Variants in ZNF536 observed in about 807,000 individuals in gnomAD.
ZNF536 encodes the protein zinc finger protein 536.
ZNF536 carries 13 observed loss-of-function variants against 84.5 expected under a neutral mutation model. The ratio of observed to expected loss-of-function variants is 0.15; its 90% CI spans 0.10 to 0.24. The LOEUF (loss-of-function observed/expected upper bound fraction) is 0.24. ZNF536 is among the 10% of genes least tolerant of loss of function. The pLI is 1.00. For missense variants in ZNF536, 1,536 were observed against 1,747.5 expected, an observed-to-expected ratio of 0.88 and a Z score of 2.16; for synonymous variants, 811 against 742.5, an observed-to-expected ratio of 1.09 and a Z score of -1.50.
chr19:30,642,475 C>T (rs1313591151), intron 1 of ZNF536, among the ~76,000 whole-genome samples: 1 of 152,078 alleles, frequency 6.6e-6, no homozygotes, highest in Non-Finnish European at 1.5e-5. Context: ...CTGCCAGGAC[C>T]CGCAAGTTGA....
chr19:30,472,662 T>C (rs1180387137), intron 2 of ZNF536, among the ~76,000 whole-genome samples: 2 of 152,172 alleles, frequency 1.3e-5, no homozygotes, highest in East Asian at 3.9e-4. Context: ...AATGGACAAT[T>C]GCAGTCCACA....
At position 30,303,524 on chromosome 19, in the gene ZNF536, A is replaced by T. The variant is rs1301417812; in HGVS notation, c.-120+19383A>T. On this transcript the variant is annotated intron_variant, in intron 2 of 5. Transcript: ENST00000585628. ...TTTGACACTTTTTTTTTTTTTTGAG[A>T]TGGAGTCTTGCTCTGTTGCCCAGGC... 2.7e-5 allele frequency among the ~76,000 whole-genome samples: 4 copies of T among 147,334 alleles called. No individual in the cohort carries two copies. The East Asian group carries it at 7.9e-4, about 29-fold the overall frequency.
chr19:30,445,631 G>A lies in ZNF536; in HGVS notation c.2069G>A (p.Gly690Asp), dbSNP rs1283110584. The change falls in exon 2 of 5, where the codon GGC becomes GAC. Residue 690 changes from glycine (G) to aspartate (D), a missense_variant. By Grantham distance (94) the Gly-to-Asp change is moderately conservative. This residue lies in a region of ZNF536 where 148 missense variants were observed against 205.4 expected (regional missense o/e 0.72). Coordinates refer to ENST00000355537, the MANE Select transcript of ZNF536 (RefSeq NM_014717.3). This position sits in a 1 kb window ranked among gnomAD's most constrained non-coding sequence, Gnocchi z 4.5. ...SQSVSRSTTP[G>D]SSNVTEESGV... ...TCGGTGAGCCGCTCCACCACGCCGGGCTCCTCTAACGTCACCGAGGAGAGC... is the reference window on the plus strand; with the variant it reads ...TCGGTGAGCCGCTCCACCACGCCGGACTCCTCTAACGTCACCGAGGAGAGC... The A allele has an allele frequency of 6.2e-6, 10 of 1,612,842 alleles. No individual in the cohort carries two copies. The highest frequency in any genetic ancestry group is 1.7e-5 in the Admixed American group (1 of 59,950).
chr19:30,418,595 A>C (rs1275350389), intron 1 of ZNF536, among the ~76,000 whole-genome samples: 1 of 152,180 alleles, frequency 6.6e-6, no homozygotes, highest in African/African-American at 2.4e-5. Flanking sequence ...GAACACCTAC[A>C]TGTGTACTGG....
At chr19:30,427,648 T>C (rs979711860) in intron 1 of ZNF536, among the ~76,000 whole-genome samples, 3 of 152,146 alleles carry the variant, frequency 2.0e-5, no homozygotes, top group African/African-American at 7.2e-5. Context: ...CTTGGTCTTC[T>C]AGCATGAGGC....
Position 30,254,523 on chromosome 19 carries a change from A to ATT in ZNF536, c.-190+25865_-190+25866dup, listed in dbSNP as rs35779261. On this transcript the variant is annotated intron_variant, in intron 1 of 5. Coordinates refer to the ZNF536 transcript ENST00000585628. ...TTGGCATTGGGGTAGAGAACCTTTG[A>ATT]TTTTTTTTTTTTTTTTAAAGTCTCT... is the stretch of plus-strand genomic sequence containing the variant. Among the ~76,000 whole-genome samples, 227 of 119,798 alleles carry ATT rather than the reference A, an allele frequency of 1.9e-3. 3 individuals carry two copies. The Middle Eastern group carries it at 0.032, about 17-fold the overall frequency. 78.6% of individuals were successfully genotyped at this position (119,798 alleles called of 152,430 possible).
chr19:30,633,251 C>T (rs980819737), intron 1 of ZNF536, among the ~76,000 whole-genome samples: 3 of 152,058 alleles, frequency 2.0e-5, no homozygotes, highest in East Asian at 3.9e-4. Context: ...CTCAGGATGT[C>T]GATATTCAAT....
At chr19:30,566,168 G>A (rs1364072955) in intron 1 of ZNF536, among the ~76,000 whole-genome samples, 1 of 152,148 alleles carries the variant, frequency 6.6e-6, no homozygotes, top group Non-Finnish European at 1.5e-5. Context: ...TCCTAACCCT[G>A]CCCCACACCC....
chr19:30,654,024 A>T (rs1027538911), intron 1 of ZNF536, among the ~76,000 whole-genome samples: 2 of 152,202 alleles, frequency 1.3e-5, no homozygotes, highest in African/African-American at 4.8e-5. Flanking sequence ...GCTGTTCCTT[A>T]GCTCTCTAGT....
At chr19:30,709,300 C>T (rs777148507) in intron 1 of ZNF536, among the ~76,000 whole-genome samples, 6 of 152,198 alleles carry the variant, frequency 3.9e-5, no homozygotes, top group Non-Finnish European at 8.8e-5. Context: ...ACCTGTTCAT[C>T]TTTCTCCTGG....
chr19:30,263,903 C>T (rs1056822484), intron 1 of ZNF536, among the ~76,000 whole-genome samples: 4 of 151,518 alleles, frequency 2.6e-5, no homozygotes, highest in African/African-American at 7.3e-5. Context: ...CACACACACA[C>T]CCTACACACA....
At chr19:30,481,520 A>G (rs1406432193) in intron 2 of ZNF536, among the ~76,000 whole-genome samples, 3 of 152,174 alleles carry the variant, frequency 2.0e-5, no homozygotes, top group Admixed American at 1.3e-4. Flanking sequence ...TGGTATGTTA[A>G]AATTTAGGAT....
At chr19:30,541,617 A>G (rs1599742880) in intron 3 of ZNF536, among the ~76,000 whole-genome samples, 2 of 152,246 alleles carry the variant, frequency 1.3e-5, no homozygotes, top group Admixed American at 1.3e-4. Flanking sequence ...GTAATGTTAC[A>G]GTATAAATTT....
intron 3 of ZNF536, among the ~76,000 whole-genome samples, chr19:30,538,994 G>C (rs1293712327): frequency 1.3e-5 from 2 of 151,696 alleles, no homozygotes; most frequent in Non-Finnish European, 2.9e-5. Context: ...GATTGTTTGA[G>C]CCCAGGAGTT....
intron 2 of ZNF536, among the ~76,000 whole-genome samples, chr19:30,305,887 AC>A (rs1431849838): frequency 2.0e-5 from 3 of 152,096 alleles, no homozygotes; most frequent in Non-Finnish European, 4.4e-5. Context: ...CCCTCGGTCC[AC>A]CCGCAGTGTA....
At chr19:30,647,614 T>C (rs2049525242) in intron 1 of ZNF536, among the ~76,000 whole-genome samples, 1 of 152,266 alleles carries the variant, frequency 6.6e-6, no homozygotes, top group Admixed American at 6.5e-5. Flanking sequence ...TTTTTCATTT[T>C]CTCTAGAAGT....
chr19:30,595,610 T>C lies in ZNF536; in HGVS notation c.169+46096T>C, dbSNP rs146141612. 8.7e-4 allele frequency among the ~76,000 whole-genome samples: 132 copies of C among 152,288 alleles called. 7 individuals are homozygous for C. The East Asian group carries it at 0.024, about 27-fold the overall frequency. On this transcript the variant is annotated intron_variant, in intron 1 of 1. Coordinates refer to the ZNF536 transcript ENST00000592773. ...GCCAGAACTCAATGTTCTTGAACTG[T>C]GGTTATTTGTACCTCGAACTGCTCT...
intron 1 of ZNF536, among the ~76,000 whole-genome samples, chr19:30,261,041 G>A (rs1325232549): frequency 2.0e-5 from 3 of 152,180 alleles, no homozygotes; most frequent in South Asian, 2.1e-4. Context: ...GCTCACGCCT[G>A]TAATCCCAGC....
At chr19:30,503,029 A>G (rs182756768) in intron 2 of ZNF536, among the ~76,000 whole-genome samples, 1 of 152,354 alleles carries the variant, frequency 6.6e-6, no homozygotes, top group East Asian at 1.9e-4. Flanking sequence ...GTAAAGGTTG[A>G]CAGGTTTTAC....
Sources: allele counts gnomAD v4.1 joint callset (sites outside exome capture counted in the v4.1 genomes callset), GRCh38; gene constraint gnomAD v4.1.1; regional missense constraint gnomAD v4.1.1; non-coding constraint Gnocchi (gnomAD v3.1); transcripts MANE v1.5; gene names NCBI Gene and HGNC (gene_info 2026-07-23, HGNC 2026-07-21).